DYSF: variants seen among roughly 807,000 people sequenced by gnomAD.
DYSF encodes the protein dystrophy-associated fer-1-like 1.
Under a neutral mutation model 274.9 loss-of-function variants are expected in DYSF, and 212 were observed. The observed-to-expected ratio is 0.77, with a 90% confidence interval of 0.69 to 0.86. The LOEUF (loss-of-function observed/expected upper bound fraction) is 0.86, where lower values mean the gene tolerates loss of function less well. Among genes scored for constraint, DYSF ranks in the 40% least tolerant of loss-of-function variants. DYSF has a pLI of 0.00. For synonymous variants in DYSF, 1,091 were observed against 1,078.7 expected, an observed-to-expected ratio of 1.01 and a Z score of -0.22; for missense variants, 2,666 against 2,783.2, an observed-to-expected ratio of 0.96 and a Z score of 0.95.
At chr2:71,649,668 G>A (rs539004529) in intron 42 of DYSF, among the ~76,000 whole-genome samples, 47 of 151,906 alleles carry the variant, frequency 3.1e-4, no homozygotes, top group African/African-American at 1.1e-3. Flanking sequence ...CACAGAAAGT[G>A]GACCGTGCAA....
intron 4 of DYSF, among the ~76,000 whole-genome samples, chr2:71,508,947 G>C (rs1188930530): frequency 6.6e-6 from 1 of 152,088 alleles, no homozygotes; most frequent in Admixed American, 6.6e-5. Context: ...CCGCCTCCCG[G>C]GTTCAACCAA....
chr2:71,555,220 G>A (rs2091254876), intron 21 of DYSF, among the ~76,000 whole-genome samples: 1 of 152,142 alleles, frequency 6.6e-6, no homozygotes, highest in Admixed American at 6.5e-5. Context: ...CTGCCTTCTG[G>A]GCCCATCACT....
intron 16 of DYSF, among the ~76,000 whole-genome samples, chr2:71,536,641 G>A (rs954172357): frequency 6.6e-6 from 1 of 152,236 alleles, no homozygotes; most frequent in East Asian, 1.9e-4. Context: ...TGTGTCAAAG[G>A]CATCGGCGTA....
At position 71,686,600 on chromosome 2, in the gene DYSF, G is replaced by A. The variant is rs1033739472; in HGVS notation, c.*108G>A. ...TCCTCCAGACCTCCTAGGCCTGATT[G>A]TCCTGCCAGGGTGGGCAGACAGACA... On this transcript the variant is annotated 3_prime_UTR_variant, in exon 56 of 56. Coordinates refer to ENST00000410020, the MANE Select transcript of DYSF (RefSeq NM_001130987.2). 6 of 1,347,470 alleles carry A rather than the reference G, an allele frequency of 4.5e-6. No homozygotes were observed. The African/African-American group carries it at 8.6e-5, about 19-fold the overall frequency. The allele number at this position is 1,347,470 out of a possible 1,614,324, so 83.5% of individuals were successfully genotyped here.
intron 42 of DYSF, among the ~76,000 whole-genome samples, chr2:71,651,152 T>G (rs2094650533): frequency 6.6e-6 from 1 of 151,698 alleles, no homozygotes; most frequent in South Asian, 2.1e-4. Flanking sequence ...TGAAAAGCCC[T>G]TAAAACAGCA....
At chr2:71,539,786 T>A (rs541392758) in intron 17 of DYSF, among the ~76,000 whole-genome samples, 31 of 152,376 alleles carry the variant, frequency 2.0e-4, no homozygotes, top group Admixed American at 4.6e-4. Flanking sequence ...AATACATGGG[T>A]ATGTGTATAT....
chr2:71,483,664 G>A (rs1163389534), intron 3 of DYSF, among the ~76,000 whole-genome samples: 1 of 152,182 alleles, frequency 6.6e-6, no homozygotes, highest in African/African-American at 2.4e-5. Context: ...CTGGCCGCAT[G>A]CTGTCTTATA....
intron 41 of DYSF, among the ~76,000 whole-genome samples, chr2:71,642,102 G>A (rs1407316920): frequency 2.0e-5 from 3 of 152,164 alleles, no homozygotes; most frequent in Non-Finnish European, 4.4e-5. Context: ...CACAATTCTT[G>A]TTCCTGTCTT....
chr2:71,523,751 TG>T (rs1286795062), intron 12 of DYSF, among the ~76,000 whole-genome samples: 1 of 152,148 alleles, frequency 6.6e-6, no homozygotes, highest in Non-Finnish European at 1.5e-5. Flanking sequence ...TTCACCATGT[TG>T]GTCAGGCTGG....
intron 24 of DYSF, among the ~76,000 whole-genome samples, chr2:71,566,021 A>C (rs527633892): frequency 1.0e-3 from 154 of 152,322 alleles, no homozygotes; most frequent in Middle Eastern, 6.8e-3. Context: ...GTTGGGCAGC[A>C]GGCTGCCCCC....
At position 71,528,383 on chromosome 2, in the gene DYSF, C is replaced by T; in HGVS notation, c.1362C>T (p.Val454=). 1 of 1,614,084 alleles carries T rather than the reference C, an allele frequency of 6.2e-7. No individual in the cohort carries two copies. The highest frequency in any genetic ancestry group is 8.5e-7 in the Non-Finnish European group (1 of 1,179,980). The part of the protein sequence containing the change: ...KKNLVDPFVE[V]SFAGKMLCSK... The stretch of plus-strand genomic sequence containing the variant: ...ACTTGGTGGACCCCTTTGTGGAGGT[C>T]AGCTTTGCGGGGAAAATGGTAAGGA... The change falls in exon 14 of 56, where the codon GTC becomes GTT. Residue 454 remains valine, a synonymous_variant. Transcript: ENST00000410020.
intron 41 of DYSF, among the ~76,000 whole-genome samples, chr2:71,634,975 A>G (rs2094374752): frequency 1.3e-5 from 2 of 151,920 alleles, no homozygotes; most frequent in Non-Finnish European, 2.9e-5. Context: ...CTCCCATGAC[A>G]CTCTGGGGTC....
intron 12 of DYSF, among the ~76,000 whole-genome samples, chr2:71,526,002 C>T (rs145102790): frequency 7.9e-5 from 12 of 152,328 alleles, no homozygotes; most frequent in African/African-American, 2.9e-4. Flanking sequence ...CTCGCACAGT[C>T]CTGGAAGGTC....
At chr2:71,595,438 G>C (rs1307615571) in intron 32 of DYSF, among the ~76,000 whole-genome samples, 2 of 152,180 alleles carry the variant, frequency 1.3e-5, no homozygotes, top group African/African-American at 4.8e-5. Flanking sequence ...CCTGGGGAAA[G>C]CTCCCTTTTA....
At position 71,643,997 on chromosome 2, in the gene DYSF, C is replaced by A. The variant is rs544993852; in HGVS notation, c.4560C>A (p.Phe1520Leu). Residue 1520 changes from phenylalanine (F) to leucine (L), a missense_variant, in exon 42 of 56, where the codon TTC (phenylalanine) becomes TTA (leucine). This residue lies in a region of DYSF where 1,460 missense variants were observed against 1,502.1 expected (regional missense o/e 0.97). Coordinates refer to ENST00000410020, the MANE Select transcript of DYSF (RefSeq NM_001130987.2). The part of the protein sequence containing the change: ...EEEFIDWWSK[F>L]FASIGEREKC... ...AGTTCATCGATTGGTGGAGCAAATT[C>A]TTTGCCTCCATAGGGGAGAGGGAAA... 2 of 1,612,268 alleles carry A rather than the reference C, an allele frequency of 1.2e-6. No homozygotes were observed. The highest frequency in any genetic ancestry group is 1.7e-6 in the Non-Finnish European group (2 of 1,179,306).
intron 52 of DYSF, among the ~76,000 whole-genome samples, chr2:71,677,592 A>G (rs2095242343): frequency 6.6e-6 from 1 of 152,200 alleles, no homozygotes; most frequent in African/African-American, 2.4e-5. Flanking sequence ...TGCTTGGATA[A>G]CTAGGTGGTA....
At chr2:71,683,423 G>A (rs1332859074) in intron 55 of DYSF, among the ~76,000 whole-genome samples, 1 of 152,174 alleles carries the variant, frequency 6.6e-6, no homozygotes, top group Non-Finnish European at 1.5e-5. Context: ...GGATCACCAG[G>A]GAGCCTCCCC....
At chr2:71,542,053 C>T (rs1030493902) in intron 17 of DYSF, among the ~76,000 whole-genome samples, 1 of 152,152 alleles carries the variant, frequency 6.6e-6, no homozygotes, top group African/African-American at 2.4e-5. Context: ...GGGGAGAGCT[C>T]TAGCTCTCCA....
chr2:71,567,981 A>C lies in DYSF; in HGVS notation c.2596A>C (p.Met866Leu). The C allele has an allele frequency of 1.2e-6, 2 of 1,614,044 alleles. No homozygotes were observed. Among genetic ancestry groups the C allele is most frequent in the Non-Finnish European group, 1.7e-6 (2 of 1,179,998 alleles). Reference sequence around the variant, plus strand: ...GATGGAGAAGGTGCCTGGCGCCCGGATGCCAGTGCAGATACGGGTCAAGCT... The same window carrying C: ...GATGGAGAAGGTGCCTGGCGCCCGGCTGCCAGTGCAGATACGGGTCAAGCT... ...YPMEKVPGAR[M>L]PVQIRVKLWF... Residue 866 changes from methionine to leucine, a missense_variant, in exon 25 of 56, where the codon ATG becomes CTG. Physicochemically the swap from Met to Leu is conservative, Grantham distance 15. Coordinates refer to ENST00000410020, the MANE Select transcript of DYSF (RefSeq NM_001130987.2).
Sources: allele counts gnomAD v4.1 joint callset (sites outside exome capture counted in the v4.1 genomes callset), GRCh38; gene constraint gnomAD v4.1.1; regional missense constraint gnomAD v4.1.1; transcripts MANE v1.5; gene names NCBI Gene and HGNC (gene_info 2026-07-23, HGNC 2026-07-21).